Variants in VRK2 observed in about 807,000 individuals in gnomAD.
VRK2 encodes VRK serine/threonine kinase 2, also known as serine/threonine-protein kinase VRK2.
In VRK2, 60 loss-of-function variants were observed where a neutral mutation model predicts 57.6. The ratio of observed to expected loss-of-function variants is 1.04; its 90% CI spans 0.85 to 1.29. The LOEUF is 1.29. VRK2 is among the 50% of genes most tolerant of loss of function. The probability of loss-of-function intolerance (pLI) is 0.00; values close to 1 mark genes in which losing one functional copy is unlikely to be tolerated. For missense variants in VRK2, 705 were observed against 588.1 expected, an observed-to-expected ratio of 1.20 and a Z score of -2.06; for synonymous variants, 231 against 199.2, an observed-to-expected ratio of 1.16 and a Z score of -1.35.
At chr2:57,992,487 G>A (rs1672797262) in intron 1 of VRK2, among the ~76,000 whole-genome samples, 1 of 152,060 alleles carries the variant, frequency 6.6e-6, no homozygotes, top group South Asian at 2.1e-4. Context: ...AGTTAAACAT[G>A]AGAAATAATG....
Position 58,159,334 on chromosome 2 carries a change from G to C in VRK2, c.1183-15G>C. Reference sequence around the variant, plus strand: ...ACGTCTAACAAACTAAACTATATATGTATTTTTTCCATAGGAAAGCACAAG... The same window carrying C: ...ACGTCTAACAAACTAAACTATATATCTATTTTTTCCATAGGAAAGCACAAG... On this transcript the variant is annotated splice_polypyrimidine_tract_variant and intron_variant, in intron 12 of 12. Transcript: ENST00000340157. 1 of 1,574,564 alleles carries C rather than the reference G, an allele frequency of 6.4e-7. No individual in the cohort carries two copies. Among genetic ancestry groups the C allele is most frequent in the Non-Finnish European group, 8.6e-7 (1 of 1,161,670 alleles).
intron 7 of VRK2, among the ~76,000 whole-genome samples, chr2:58,091,410 TA>T (rs1405230578): frequency 1.3e-5 from 2 of 152,094 alleles, no homozygotes; most frequent in African/African-American, 4.8e-5. Context: ...ATAGTCTGTT[TA>T]AAAAATGTAG....
At chr2:58,048,638 A>T in intron 1 of VRK2, 189 bp from the exon 2 acceptor site, 1 of 1,496,708 alleles carries the variant, frequency 6.7e-7, no homozygotes, top group South Asian at 1.2e-5. Context: ...AGATCTCAGT[A>T]TTGTAATGTA....
In VRK2 at chr2:58,123,826, A is replaced by G. The variant is rs919711327; in HGVS notation, c.676+593A>G. Among the ~76,000 whole-genome samples, 3 of 151,528 alleles carry G rather than the reference A, an allele frequency of 2.0e-5. No homozygotes were observed. The East Asian group carries it at 5.8e-4, about 29-fold the overall frequency. On this transcript the variant is annotated intron_variant, in intron 8 of 12. Transcript: ENST00000340157. ...GCCATAATCACACCACTGCTCCCCA[A>G]CCTGGGCGACAGAGCAAGACCCCTC...
At chr2:57,989,693 T>TATACATATATGTATAAA (rs1296023181) in intron 1 of VRK2, among the ~76,000 whole-genome samples, 1 of 152,218 alleles carries the variant, frequency 6.6e-6, no homozygotes, top group Non-Finnish European at 1.5e-5. Flanking sequence ...AAAGATAAGC[T>TATACATATATGTATAAA]GAGATGTATA....
In VRK2 at chr2:57,914,295, T is replaced by C. The variant is rs553954232; in HGVS notation, c.-439+6456T>C. ...GGTTCCTTATCAGAAAAAATGGAAA[T>C]TATCTCATAAAATGACTACATGAAT... On this transcript the variant is annotated intron_variant, in intron 1 of 15. Coordinates refer to the VRK2 transcript ENST00000417641. 1.1e-4 allele frequency among the ~76,000 whole-genome samples: 16 copies of C among 151,790 alleles called. No individual in the cohort carries two copies. The East Asian group carries it at 3.1e-3, about 29-fold the overall frequency.
chr2:57,934,349 T>C (rs954502490), intron 1 of VRK2, among the ~76,000 whole-genome samples: 7 of 152,218 alleles, frequency 4.6e-5, no homozygotes, highest in Non-Finnish European at 8.8e-5. Context: ...GTGATGTCTG[T>C]TATTTCTGAA....
intron 12 of VRK2, among the ~76,000 whole-genome samples, chr2:58,156,569 GGGT>G (rs749525951): frequency 3.4e-5 from 5 of 146,614 alleles, no homozygotes; most frequent in Non-Finnish European, 7.4e-5. Flanking sequence ...ACCTCAGGTT[GGGT>G]GGTGGTGTTT....
At chr2:58,067,281 C>G (rs926183308) in intron 2 of VRK2, among the ~76,000 whole-genome samples, 31 of 152,236 alleles carry the variant, frequency 2.0e-4, no homozygotes, top group African/African-American at 7.5e-4. Context: ...AGCTTGCAGA[C>G]GGCCTGTTGT....
intron 2 of VRK2, among the ~76,000 whole-genome samples, chr2:58,061,808 A>C (rs768029284): frequency 2.6e-5 from 4 of 152,080 alleles, no homozygotes; most frequent in Non-Finnish European, 4.4e-5. Flanking sequence ...ATTATAAATA[A>C]ATTCAGAAAA....
chr2:57,942,359 T>C (rs2717040), intron 1 of VRK2, among the ~76,000 whole-genome samples: 102,812 of 152,126 alleles, frequency 0.68, 35,703 homozygotes, highest in African/African-American at 0.86. Flanking sequence ...GTTGCCATTA[T>C]GAATCAGGCA....
At chr2:57,982,272 A>G (rs1672444068) in intron 1 of VRK2, among the ~76,000 whole-genome samples, 1 of 152,192 alleles carries the variant, frequency 6.6e-6, no homozygotes, top group Non-Finnish European at 1.5e-5. Flanking sequence ...GGGCTGAGGT[A>G]TTCCCAGTTT....
intron 11 of VRK2, among the ~76,000 whole-genome samples, chr2:58,146,049 T>C (rs1238628153): frequency 5.3e-5 from 8 of 152,062 alleles, no homozygotes; most frequent in Non-Finnish European, 1.2e-4. Context: ...TGGTTCCAAG[T>C]CTTTGCTATT....
At chr2:58,043,609 G>A (rs1674552669), upstream of VRK2, among the ~76,000 whole-genome samples, 1 of 152,166 alleles carries the variant, frequency 6.6e-6, no homozygotes, top group East Asian at 1.9e-4. Flanking sequence ...TCATTGTATA[G>A]TAGATATAGT....
chr2:57,998,451 T>C (rs1304633083), intron 1 of VRK2, among the ~76,000 whole-genome samples: 1 of 152,200 alleles, frequency 6.6e-6, no homozygotes, highest in Non-Finnish European at 1.5e-5. Flanking sequence ...CTTCGAGTGT[T>C]AATCTGGGAG....
chr2:57,995,842 G>A (rs966786477), intron 1 of VRK2, among the ~76,000 whole-genome samples: 1 of 152,114 alleles, frequency 6.6e-6, no homozygotes, highest in Non-Finnish European at 1.5e-5. Context: ...TTATGCTAAG[G>A]TGCCAGCACT....
At chr2:57,950,866 G>A (rs1671406034) in intron 1 of VRK2, among the ~76,000 whole-genome samples, 1 of 151,946 alleles carries the variant, frequency 6.6e-6, no homozygotes, top group African/African-American at 2.4e-5. Context: ...GGCTGAGGCG[G>A]GTGGATCACG....
chr2:58,068,380 T>A (rs1487876871), intron 2 of VRK2, among the ~76,000 whole-genome samples: 3 of 152,206 alleles, frequency 2.0e-5, no homozygotes, highest in Non-Finnish European at 2.9e-5. Context: ...TCATTTCTGA[T>A]GATAAATTTG....
chr2:58,044,591 A>T (rs1674600312), upstream of VRK2, among the ~76,000 whole-genome samples: 1 of 152,206 alleles, frequency 6.6e-6, no homozygotes, highest in Non-Finnish European at 1.5e-5. Context: ...AAATACAGGG[A>T]AAGAGGCTAC....
Sources: gnomAD v4.1 joint callset for allele counts (sites outside exome capture counted in the v4.1 genomes callset) on GRCh38, gnomAD v4.1.1 for gene constraint, MANE v1.5 for transcripts, NCBI Gene and HGNC (gene_info 2026-07-23, HGNC 2026-07-21) for gene names.